Variants in FBXL2 observed in about 807,000 individuals in gnomAD.
FBXL2 encodes F-box/LRR-repeat protein 2.
Under a neutral mutation model 69.2 loss-of-function variants are expected in FBXL2, and 38 were observed. The observed-to-expected ratio is 0.55, with a 90% CI of 0.42 to 0.72. The LOEUF is 0.72. Ranked by LOEUF, FBXL2 falls within the 30% of genes least tolerant of loss-of-function variation. The probability of loss-of-function intolerance (pLI) is 0.00; values close to 1 mark genes in which losing one functional copy is unlikely to be tolerated. For synonymous variants in FBXL2, 192 were observed against 201.3 expected (o/e 0.95, Z 0.39); for missense variants, 354 against 520.3 (o/e 0.68, Z 3.11).
At chr3:33,379,205 T>C (rs1196582511) in intron 13 of FBXL2, among the ~76,000 whole-genome samples, 4 of 151,966 alleles carry the variant, frequency 2.6e-5, no homozygotes, top group Admixed American at 2.0e-4. Flanking sequence ...TTTCACCATG[T>C]TGGCCAGGCT....
intron 5 of FBXL2, among the ~76,000 whole-genome samples, chr3:33,369,056 A>T (rs2042128103): frequency 7.0e-6 from 1 of 142,086 alleles, no homozygotes; most frequent in Non-Finnish European, 1.6e-5. Context: ...CTTCTTTTAG[A>T]TTTTTTTTTT....
chr3:33,303,285 T>C, intron 2 of FBXL2: 1 of 422,356 alleles, frequency 2.4e-6, no homozygotes, highest in South Asian at 1.7e-5. Context: ...TTTTGACTTG[T>C]GTGTGGCAGT....
chr3:33,332,008 AT>A (rs1479305531), intron 2 of FBXL2, among the ~76,000 whole-genome samples: 1 of 152,158 alleles, frequency 6.6e-6, no homozygotes, highest in African/African-American at 2.4e-5. Flanking sequence ...AGTGGCTGCA[AT>A]TTTTTAGAAT....
intron 4 of FBXL2, among the ~76,000 whole-genome samples, chr3:33,360,519 G>T (rs2041536482): frequency 6.6e-6 from 1 of 152,144 alleles, no homozygotes; most frequent in Non-Finnish European, 1.5e-5. Flanking sequence ...TTGGAAGGGG[G>T]CAGGGACCTC....
At chr3:33,324,145 G>T (rs1487452157) in intron 2 of FBXL2, among the ~76,000 whole-genome samples, 1 of 145,166 alleles carries the variant, frequency 6.9e-6, no homozygotes, top group African/African-American at 2.5e-5. Flanking sequence ...CCCACTTTTT[G>T]ATGGATTTTT....
At chr3:33,370,140 T>C (rs1415012975) in intron 5 of FBXL2, among the ~76,000 whole-genome samples, 1 of 151,934 alleles carries the variant, frequency 6.6e-6, no homozygotes, top group Non-Finnish European at 1.5e-5. Context: ...CTGGGCCAGG[T>C]GCAGTGGCTC....
Position 33,396,229 on chromosome 3 carries a change from G to C in FBXL2, n.1215-7005G>C, listed in dbSNP as rs755150076. The C allele has an allele frequency of 1.3e-5, 21 of 1,593,514 alleles. No individual in the cohort carries two copies. The highest frequency in any genetic ancestry group is 4.0e-5 in the African/African-American group (3 of 74,624). On this transcript the variant is annotated intron_variant and non_coding_transcript_variant, in intron 12 of 12. Transcript: ENST00000463736. Reference sequence around the variant, plus strand: ...CTTGCTGCTGCCCTTGCAGCACTGTGCTGCTTGGCTGCTCCCGGCAGACAT... The same window carrying C: ...CTTGCTGCTGCCCTTGCAGCACTGTCCTGCTTGGCTGCTCCCGGCAGACAT...
chr3:33,361,332 C>T (rs963225576), intron 4 of FBXL2, among the ~76,000 whole-genome samples: 1 of 151,630 alleles, frequency 6.6e-6, no homozygotes. Flanking sequence ...AGCAAAACTG[C>T]GTCTCTACAA....
chr3:33,375,379 CCTCT>C lies in FBXL2; in HGVS notation c.752_755del (p.Ser251LeufsTer6). On this transcript the variant is annotated frameshift_variant, in exon 10 of 15. Coordinates refer to ENST00000484457, the MANE Select transcript of FBXL2 (RefSeq NM_012157.5). LOFTEE classifies it high-confidence loss of function. ...TCGGGTTGCAGCAACCTCACAGATG[CCTCT>C]CTTACAGCCCTGGGTTTGAACTGTC... The C allele has an allele frequency of 6.2e-7, 1 of 1,614,170 alleles. No homozygotes were observed. The highest frequency in any genetic ancestry group is 8.5e-7 in the Non-Finnish European group (1 of 1,180,028).
intron 2 of FBXL2, among the ~76,000 whole-genome samples, chr3:33,299,027 T>TTTATTTATTTATTTATTTA (rs1553634500): frequency 3.4e-5 from 5 of 146,092 alleles, no homozygotes; most frequent in African/African-American, 1.3e-4. Context: ...ATTTTTTTAA[T>TTTATTTATTTATTTATTTA]TTTATTTATT....
chr3:33,279,335 A>T (rs1452753573), intron 1 of FBXL2, among the ~76,000 whole-genome samples: 2 of 150,646 alleles, frequency 1.3e-5, no homozygotes, highest in Admixed American at 6.6e-5. Context: ...CAGTGGTGCG[A>T]TCTCGGCTCA....
At chr3:33,384,792 G>T (rs1255275556) in intron 14 of FBXL2, among the ~76,000 whole-genome samples, 3 of 152,138 alleles carry the variant, frequency 2.0e-5, no homozygotes, top group Admixed American at 6.5e-5. Context: ...TCTAATCCCA[G>T]CACTTTGGGA....
At chr3:33,319,904 A>C (rs1235013400) in intron 2 of FBXL2, among the ~76,000 whole-genome samples, 1 of 152,210 alleles carries the variant, frequency 6.6e-6, no homozygotes, top group Non-Finnish European at 1.5e-5. Flanking sequence ...AGATATCTAA[A>C]GACAAAATCT....
chr3:33,281,955 C>G (rs1292702501), intron 1 of FBXL2, among the ~76,000 whole-genome samples: 1 of 152,198 alleles, frequency 6.6e-6, no homozygotes, highest in Non-Finnish European at 1.5e-5. Flanking sequence ...AGCCCTTTGT[C>G]AGATGGGTAG....
chr3:33,278,830 T>A (rs562825378), intron 1 of FBXL2, among the ~76,000 whole-genome samples: 3 of 152,234 alleles, frequency 2.0e-5, no homozygotes, highest in Non-Finnish European at 4.4e-5. Flanking sequence ...TATGAAGATA[T>A]AAGTGTTTCA....
chr3:33,419,819 T>C, the FBXL2 span, among the ~76,000 whole-genome samples: 1 of 152,176 alleles, frequency 6.6e-6, no homozygotes, highest in Non-Finnish European at 1.5e-5. Flanking sequence ...GAAACAACAG[T>C]CTAGGTTGTA....
chr3:33,310,882 C>A (rs1575150672), intron 2 of FBXL2, among the ~76,000 whole-genome samples: 1 of 152,124 alleles, frequency 6.6e-6, no homozygotes, highest in Non-Finnish European at 1.5e-5. Flanking sequence ...TCAAGTGATT[C>A]TCCTGCCGCA....
At chr3:33,281,712 T>G (rs1356873049) in intron 1 of FBXL2, among the ~76,000 whole-genome samples, 3 of 152,070 alleles carry the variant, frequency 2.0e-5, no homozygotes, top group Non-Finnish European at 4.4e-5. Flanking sequence ...ACCTGTTGTT[T>G]CCTGACTTTT....
At chr3:33,355,121 G>A (rs996720726) in intron 2 of FBXL2, among the ~76,000 whole-genome samples, 4 of 151,954 alleles carry the variant, frequency 2.6e-5, no homozygotes, top group African/African-American at 9.7e-5. Flanking sequence ...GTAGCAATGG[G>A]GTTTCACCAT....
Sources: allele counts gnomAD v4.1 joint callset (sites outside exome capture counted in the v4.1 genomes callset), GRCh38; gene constraint gnomAD v4.1.1; transcripts MANE v1.5; gene names NCBI Gene and HGNC (gene_info 2026-07-23, HGNC 2026-07-21).